Variants in HEPHL1 observed in about 807,000 individuals in gnomAD.
HEPHL1 encodes the protein ferroxidase HEPHL1.
A neutral mutation model predicts 122.0 loss-of-function variants in HEPHL1; 123 were observed. The observed-to-expected ratio is 1.01, with a 90% CI of 0.87 to 1.17. The LOEUF is 1.17. Among genes scored for constraint, HEPHL1 ranks in the 50% most tolerant of loss-of-function variants. The pLI, the probability that HEPHL1 is intolerant of heterozygous loss-of-function variation, is 0.00. For missense variants in HEPHL1, 1,452 were observed against 1,430.5 expected, an observed-to-expected ratio of 1.01 and a Z score of -0.24; for synonymous variants, 527 against 508.9, an observed-to-expected ratio of 1.04 and a Z score of -0.48.
At chr11:94,049,818 G>T (rs1039527683) in intron 2 of HEPHL1, among the ~76,000 whole-genome samples, 2 of 151,774 alleles carry the variant, frequency 1.3e-5, no homozygotes, top group African/African-American at 4.8e-5. Flanking sequence ...GGCTATTTAG[G>T]TTCTTTCCCT....
intron 4 of HEPHL1, among the ~76,000 whole-genome samples, chr11:94,065,313 A>G (rs1009423404): frequency 2.0e-5 from 3 of 152,218 alleles, no homozygotes; most frequent in Non-Finnish European, 4.4e-5. Context: ...TAAGAGGAAT[A>G]GAAGGAGCTG....
At chr11:94,051,505 A>G (rs747649104) in intron 2 of HEPHL1, among the ~76,000 whole-genome samples, 1 of 151,814 alleles carries the variant, frequency 6.6e-6, no homozygotes, top group Non-Finnish European at 1.5e-5. Context: ...TGGTAATTAG[A>G]TTTTTTCCTA....
At position 94,100,619 on chromosome 11, in the gene HEPHL1, C is replaced by T. The variant is rs534824703; in HGVS notation, c.2435-576C>T. Among the ~76,000 whole-genome samples the T allele has an allele frequency of 7.9e-5, 12 of 152,232 alleles. No homozygotes were observed. In the South Asian group the frequency reaches 2.3e-3, roughly 29 times the overall value. On this transcript the variant is annotated intron_variant, in intron 13 of 19. Coordinates refer to ENST00000315765, the MANE Select transcript of HEPHL1 (RefSeq NM_001098672.2). ...ATTAATACATAAATGATTTTATTTC[C>T]CTCTACTCTTTCAGATTCCTTTTAC...
At chr11:94,080,634 G>A (rs141432901) in intron 9 of HEPHL1, among the ~76,000 whole-genome samples, 51 of 152,200 alleles carry the variant, frequency 3.4e-4, no homozygotes, top group Non-Finnish European at 3.1e-4. Context: ...GGCAAAAGAC[G>A]TGAACAGACA....
chr11:94,063,480 C>A, intron 2 of HEPHL1, 28 bp from the exon 3 acceptor site: 2 of 1,495,916 alleles, frequency 1.3e-6, no homozygotes, highest in East Asian at 2.5e-5. Flanking sequence ...TATGTTTTAC[C>A]TTTTTTTTTA....
intron 14 of HEPHL1, among the ~76,000 whole-genome samples, chr11:94,101,941 T>C (rs1356713457): frequency 6.6e-6 from 1 of 152,226 alleles, no homozygotes; most frequent in Non-Finnish European, 1.5e-5. Flanking sequence ...TAAAAAGATA[T>C]TTTGAGAGTG....
Position 94,101,320 on chromosome 11 carries a change from C to T in HEPHL1, c.2560C>T (p.Pro854Ser), listed in dbSNP as rs753064743. Reference protein sequence around the residue: ...EMDSGKQFQVPMTKPGEVKTY... With the variant: ...EMDSGKQFQVSMTKPGEVKTY... ...GGATAGTGGAAAGCAATTCCAAGTG[C>T]CCATGACAAAACCAGGTAAGTTGTG... The change falls in exon 14 of 20, where the codon CCC becomes TCC. Residue 854 changes from proline to serine, a missense_variant. By Grantham distance (74) the Pro-to-Ser change is moderately conservative. Coordinates refer to ENST00000315765, the MANE Select transcript of HEPHL1 (RefSeq NM_001098672.2). 3 of 1,612,552 alleles carry T rather than the reference C, an allele frequency of 1.9e-6. No homozygotes were observed. The highest frequency in any genetic ancestry group is 2.5e-6 in the Non-Finnish European group (3 of 1,179,058).
At chr11:94,107,964 A>G (rs751880196) in intron 17 of HEPHL1, among the ~76,000 whole-genome samples, 25 of 152,200 alleles carry the variant, frequency 1.6e-4, no homozygotes, top group Non-Finnish European at 3.7e-4. Flanking sequence ...GAAACCACCA[A>G]ACTGTTTTCC....
intron 2 of HEPHL1, among the ~76,000 whole-genome samples, chr11:94,062,074 A>G (rs963535069): frequency 1.3e-5 from 2 of 152,156 alleles, no homozygotes; most frequent in Admixed American, 1.3e-4. Context: ...TTATTTGTAA[A>G]GTGGCTCATA....
chr11:94,099,736 C>T (rs1324095565), intron 13 of HEPHL1, among the ~76,000 whole-genome samples: 2 of 152,220 alleles, frequency 1.3e-5, no homozygotes, highest in Non-Finnish European at 2.9e-5. Flanking sequence ...CCCAGCCTCA[C>T]TGCCACCTTG....
intron 1 of HEPHL1, among the ~76,000 whole-genome samples, chr11:94,035,242 T>C (rs1945710845): frequency 6.6e-6 from 1 of 152,216 alleles, no homozygotes; most frequent in Non-Finnish European, 1.5e-5. Flanking sequence ...AACACGTTCT[T>C]TTCCTACAAT....
At chr11:94,026,663 T>G in intron 1 of HEPHL1, among the ~76,000 whole-genome samples, 1 of 152,192 alleles carries the variant, frequency 6.6e-6, no homozygotes, top group East Asian at 1.9e-4. Flanking sequence ...TAGCACACCA[T>G]GAAGTGGGGT....
At chr11:94,064,561 G>A (rs1244533184) in intron 4 of HEPHL1, 51 bp downstream of exon 4, 9 of 1,197,786 alleles carry the variant, frequency 7.5e-6, no homozygotes, top group African/African-American at 1.5e-5. Context: ...TATACTATAA[G>A]GTACTACAAG....
In HEPHL1 at chr11:94,036,114, C is replaced by T. The variant is rs1945720100; in HGVS notation, c.171-9559C>T. 3.3e-5 allele frequency among the ~76,000 whole-genome samples: 5 copies of T among 152,194 alleles called. No homozygotes were observed. The South Asian group carries it at 6.2e-4, about 19-fold the overall frequency. ...CTGAAATGCCTGAAGTTCATGGAAGCCCTTAAGGGCGTATTTCATTAGGGT... is the reference window on the plus strand; with the variant it reads ...CTGAAATGCCTGAAGTTCATGGAAGTCCTTAAGGGCGTATTTCATTAGGGT... On this transcript the variant is annotated intron_variant, in intron 1 of 19. Coordinates refer to ENST00000315765, the MANE Select transcript of HEPHL1 (RefSeq NM_001098672.2).
In HEPHL1 at chr11:94,113,272, G is replaced by C. The variant is rs1318262130; in HGVS notation, c.*1378G>C. The C allele has an allele frequency of 6.6e-6, 1 of 152,202 alleles. No individual in the cohort carries two copies. Among genetic ancestry groups the C allele is most frequent in the Non-Finnish European group, 1.5e-5 (1 of 68,046 alleles). The allele number at this position is 152,202 out of a possible 1,614,324, so 9.4% of individuals were successfully genotyped here. ...CCCTGAGATTCCAATGCCAATGCTA[G>C]ATGAGTGATACTGGTATGCCTGCCT... is the stretch of plus-strand genomic sequence containing the variant. On this transcript the variant is annotated 3_prime_UTR_variant, in exon 20 of 20. Transcript: ENST00000315765.
At chr11:94,082,654 T>C (rs1946181388) in intron 10 of HEPHL1, 86 bp downstream of exon 10, 2 of 1,332,988 alleles carry the variant, frequency 1.5e-6, no homozygotes, top group African/African-American at 2.9e-5. Context: ...ATTATATTAA[T>C]TTTGGTTTCT....
At chr11:94,072,977 G>T in intron 6 of HEPHL1, 48 bp from the exon 7 acceptor site, 1 of 1,557,368 alleles carries the variant, frequency 6.4e-7, no homozygotes, top group Admixed American at 1.8e-5. Flanking sequence ...AAAGTATTTG[G>T]TGGATATGTT....
intron 2 of HEPHL1, among the ~76,000 whole-genome samples, chr11:94,050,127 A>G (rs1945877015): frequency 6.6e-6 from 1 of 152,074 alleles, no homozygotes; most frequent in Non-Finnish European, 1.5e-5. Context: ...TAGTTTTCTT[A>G]ATTTCATTTT....
chr11:94,022,737 C>T (rs1017983917), intron 1 of HEPHL1, among the ~76,000 whole-genome samples: 1 of 152,128 alleles, frequency 6.6e-6, no homozygotes, highest in Non-Finnish European at 1.5e-5. Context: ...ATCTGCTGAC[C>T]ATTGGTGGTA....
Sources: allele counts gnomAD v4.1 joint callset (sites outside exome capture counted in the v4.1 genomes callset), GRCh38; gene constraint gnomAD v4.1.1; transcripts MANE v1.5; gene names NCBI Gene and HGNC (gene_info 2026-07-23, HGNC 2026-07-21).